LARS1: variants seen among roughly 807,000 people sequenced by gnomAD.
LARS1 encodes leucyl-tRNA synthetase 1.
Under a neutral mutation model 162.8 loss-of-function variants are expected in LARS1, and 100 were observed. That is an observed-to-expected ratio of 0.61 (90% CI 0.52 to 0.73). The LOEUF (loss-of-function observed/expected upper bound fraction) is 0.73. Ranked by LOEUF, LARS1 falls within the 30% of genes least tolerant of loss-of-function variation. The pLI is 0.00. For missense variants in LARS1, 1,258 were observed against 1,408.9 expected, an observed-to-expected ratio of 0.89 and a Z score of 1.71; for synonymous variants, 457 against 462.8, an observed-to-expected ratio of 0.99 and a Z score of 0.16.
intron 4 of LARS1, 132 bp from the exon 5 acceptor site, chr5:146,168,397 TAC>T (rs1754116268): frequency 2.3e-6 from 2 of 873,106 alleles, no homozygotes; most frequent in East Asian, 5.4e-5. Context: ...GTGGCTCCAC[TAC>T]AGAAAACTGA....
At chr5:146,140,862 C>T (rs1000486485) in intron 20 of LARS1, among the ~76,000 whole-genome samples, 3 of 152,042 alleles carry the variant, frequency 2.0e-5, no homozygotes, top group Admixed American at 6.6e-5. Flanking sequence ...TATATACACA[C>T]ACACACATAT....
chr5:146,171,758 GTTTATT>G (rs1346261137), intron 4 of LARS1, 146 bp downstream of exon 4: 2 of 559,154 alleles, frequency 3.6e-6, no homozygotes, highest in Non-Finnish European at 6.3e-6. Flanking sequence ...TTCACATGTT[GTTTATT>G]TTTAAATTAA....
intron 28 of LARS1, among the ~76,000 whole-genome samples, chr5:146,125,820 A>G (rs1752019521): frequency 6.6e-6 from 1 of 152,032 alleles, no homozygotes; most frequent in African/African-American, 2.4e-5. Context: ...GTCTAACCCA[A>G]TAATTCTCAA....
At position 146,154,852 on chromosome 5, in the gene LARS1, G is replaced by C. The variant is rs181039926; in HGVS notation, c.1066-872C>G. Among the ~76,000 whole-genome samples the C allele has an allele frequency of 6.8e-3, 1,035 of 152,078 alleles. 7 individuals carry two copies. Among genetic ancestry groups the C allele is most frequent in the Non-Finnish European group, 0.011 (747 of 67,952 alleles). ...ACACATTATTTTATACCTACTAGAG[G>C]AAAAATAATTTTTTTTTTGAGATGG... On this transcript the variant is annotated intron_variant, in intron 10 of 31. Coordinates refer to ENST00000394434, the MANE Select transcript of LARS1 (RefSeq NM_020117.11).
chr5:146,178,643 CTT>C (rs1360604948), intron 1 of LARS1, among the ~76,000 whole-genome samples: 2 of 151,934 alleles, frequency 1.3e-5, no homozygotes, highest in Admixed American at 6.6e-5. Flanking sequence ...TACCTGGACT[CTT>C]TTCAAGTTTC....
intron 3 of LARS1, 56 bp from the exon 4 acceptor site, chr5:146,172,046 A>C: frequency 2.8e-6 from 4 of 1,419,664 alleles, no homozygotes; most frequent in Non-Finnish European, 2.0e-6. Flanking sequence ...CAAATACAAA[A>C]TGTGAACTTT....
At chr5:146,153,853 T>G in intron 11 of LARS1, 40 bp downstream of exon 11, 1 of 1,608,894 alleles carries the variant, frequency 6.2e-7, no homozygotes, top group South Asian at 1.1e-5. Context: ...AACCAAAATG[T>G]GTTTATCAAA....
At chr5:146,137,922 A>T (rs918467943) in intron 21 of LARS1, 1 of 169,436 alleles carries the variant, frequency 5.9e-6, no homozygotes, top group African/African-American at 2.4e-5. Flanking sequence ...TCAGTTTGAG[A>T]CCATCCTGGC....
chr5:146,182,470 C>G lies in LARS1; in HGVS notation c.6+18G>C. ...TCCGGCTCCAGGGCCCCTGCGGATT[C>G]TTCTCGCTCAAACTCACCGCCATTG... On this transcript the variant is annotated intron_variant, in intron 1 of 31. Coordinates refer to ENST00000394434, the MANE Select transcript of LARS1 (RefSeq NM_020117.11). 1 of 1,613,954 alleles carries G rather than the reference C, an allele frequency of 6.2e-7. No homozygotes were observed. Among genetic ancestry groups the G allele is most frequent in the Non-Finnish European group, 8.5e-7 (1 of 1,179,860 alleles).
intron 14 of LARS1, 53 bp from the exon 15 acceptor site, chr5:146,149,752 T>A (rs1753190011): frequency 7.7e-7 from 1 of 1,297,420 alleles, no homozygotes; most frequent in Non-Finnish European, 1.1e-6. Context: ...AGAATCTGCC[T>A]TGAGTTTCTT....
chr5:146,120,039 T>C (rs1751749001), intron 31 of LARS1, among the ~76,000 whole-genome samples: 3 of 152,216 alleles, frequency 2.0e-5, no homozygotes, highest in Non-Finnish European at 4.4e-5. Context: ...TAAGGGTATG[T>C]GTTCCTTGAT....
rs968457740 is a variant in LARS1 at position 146,181,391 on chromosome 5, T to A, written c.6+1097A>T. Among the ~76,000 whole-genome samples, 11 of 148,984 alleles carry A rather than the reference T, an allele frequency of 7.4e-5. No individual in the cohort carries two copies. In the East Asian group the frequency reaches 2.2e-3, roughly 30 times the overall value. On this transcript the variant is annotated intron_variant, in intron 1 of 31. Coordinates refer to ENST00000394434, the MANE Select transcript of LARS1 (RefSeq NM_020117.11). The stretch of plus-strand genomic sequence containing the variant: ...CAAACAAACAAAAAACAAAAAAAAA[T>A]AAAACCAGGCGGGATGGCTCATGCC...
intron 31 of LARS1, among the ~76,000 whole-genome samples, chr5:146,118,702 T>TGGAG (rs1315789433): frequency 6.6e-6 from 1 of 152,160 alleles, no homozygotes; most frequent in Non-Finnish European, 1.5e-5. Context: ...TACCAGGGAC[T>TGGAG]GGAGGGAAGG....
intron 21 of LARS1, among the ~76,000 whole-genome samples, chr5:146,139,977 C>T (rs1048460780): frequency 1.3e-5 from 2 of 149,782 alleles, no homozygotes; most frequent in Admixed American, 6.6e-5. Context: ...TATTTATTTA[C>T]TAATTTTTTG....
chr5:146,179,437 C>T lies in LARS1; in HGVS notation c.7-1772G>A, dbSNP rs146726092. On this transcript the variant is annotated intron_variant, in intron 1 of 31. Transcript: ENST00000394434. The stretch of plus-strand genomic sequence containing the variant: ...TCAGCCTCCCAAAGTGCTGTGATTA[C>T]AGGCATGAGCCACCCAGCCCGGTCT... Among the ~76,000 whole-genome samples, 823 of 152,232 alleles carry T rather than the reference C, an allele frequency of 5.4e-3. 5 individuals carry two copies. The highest frequency in any genetic ancestry group is 8.2e-3 in the Non-Finnish European group (559 of 68,028).
At chr5:146,174,358 T>A (rs1754413198) in intron 2 of LARS1, among the ~76,000 whole-genome samples, 1 of 148,206 alleles carries the variant, frequency 6.7e-6, no homozygotes, top group Non-Finnish European at 1.5e-5. Context: ...GGCAGGAGAA[T>A]CGCTTGAACA....
intron 5 of LARS1, among the ~76,000 whole-genome samples, chr5:146,166,846 T>C (rs1301908743): frequency 3.2e-5 from 3 of 95,016 alleles, no homozygotes; most frequent in African/African-American, 3.2e-5. Flanking sequence ...AAATATATAT[T>C]AATTATTTAA....
Position 146,143,467 on chromosome 5 carries a change from G to A in LARS1, c.1822C>T (p.His608Tyr), listed in dbSNP as rs760384644. ...TIYMAFYTVA[H>Y]LLQGGNLHGQ... ...TGCAAGTTACCCCCCTGCAATAGGT[G>A]TGCAACTGTGTAAAATGCCATGTAA... The change falls in exon 19 of 32, where the codon CAC becomes TAC. Residue 608 changes from histidine to tyrosine, a missense_variant. His to Tyr is a moderately conservative substitution (Grantham distance 83). Transcript: ENST00000394434. 6 of 1,614,046 alleles carry A rather than the reference G, an allele frequency of 3.7e-6. No homozygotes were observed. Among genetic ancestry groups the A allele is most frequent in the South Asian group, 2.2e-5 (2 of 91,084 alleles).
Position 146,140,215 on chromosome 5 carries a change from T to G in LARS1, c.2137A>C (p.Asn713His), listed in dbSNP as rs763903712. The G allele has an allele frequency of 1.2e-6, 2 of 1,611,704 alleles. No homozygotes were observed. The highest frequency in any genetic ancestry group is 1.7e-6 in the Non-Finnish European group (2 of 1,177,732). ...GCAATAAGCCTTACCTTCTCAGAGT[T>G]CAGGAGGAGATGTCCATTTGCTCTC... is the stretch of plus-strand genomic sequence containing the variant. ...AVRANGHLLL[N>H]SEKMSKSTGN... is the part of the protein sequence containing the mutation. The change falls in exon 21 of 32, where the codon AAC (asparagine) becomes CAC (histidine). Residue 713 changes from asparagine to histidine, a missense_variant. Coordinates refer to ENST00000394434, the MANE Select transcript of LARS1 (RefSeq NM_020117.11).
Sources: allele counts gnomAD v4.1 joint callset (sites outside exome capture counted in the v4.1 genomes callset), GRCh38; gene constraint gnomAD v4.1.1; transcripts MANE v1.5; gene names NCBI Gene and HGNC (gene_info 2026-07-23, HGNC 2026-07-21).